The following NRG2 variants were observed in gnomAD, a reference collection of about 807,000 sequenced individuals.
NRG2 encodes the protein neuregulin 2.
In NRG2, 27 loss-of-function variants were observed where a neutral mutation model predicts 73.9. The ratio of observed to expected loss-of-function variants is 0.37; its 90% CI spans 0.27 to 0.50. The LOEUF (loss-of-function observed/expected upper bound fraction) is 0.50, where lower values mean the gene tolerates loss of function less well. Ranked by LOEUF, NRG2 falls within the 20% of genes least tolerant of loss-of-function variation. The pLI is 0.96. For synonymous variants in NRG2, 532 were observed against 541.0 expected (o/e 0.98, Z 0.23); for missense variants, 1,126 against 1,210.1 (o/e 0.93, Z 1.03).
chr5:140,014,416 T>C (rs1759612305), intron 1 of NRG2, among the ~76,000 whole-genome samples: 1 of 152,072 alleles, frequency 6.6e-6, no homozygotes, highest in Non-Finnish European at 1.5e-5. Flanking sequence ...TTTGTATGTT[T>C]TGTAGAGATG....
intron 1 of NRG2, among the ~76,000 whole-genome samples, chr5:140,038,178 A>T (rs1761650264): frequency 6.6e-6 from 1 of 152,194 alleles, no homozygotes; most frequent in South Asian, 2.1e-4. Flanking sequence ...AAAATGCCCT[A>T]GATAAAACAG....
chr5:139,885,745 G>A (rs1763822071), intron 2 of NRG2, among the ~76,000 whole-genome samples: 1 of 151,790 alleles, frequency 6.6e-6, no homozygotes, highest in African/African-American at 2.4e-5. Context: ...GCGGGAGGGA[G>A]GGTGAGTATG....
chr5:139,860,484 A>C (rs1762085587), intron 5 of NRG2, among the ~76,000 whole-genome samples: 1 of 151,050 alleles, frequency 6.6e-6, no homozygotes, highest in African/African-American at 2.4e-5. Context: ...CCGGGTGGGG[A>C]GCCTCAGAGT....
Position 139,851,545 on chromosome 5 carries a change from G to A in NRG2, c.1772+59C>T. 6.5e-7 allele frequency: 1 copy of A among 1,534,992 alleles called. No homozygotes were observed. Among genetic ancestry groups the A allele is most frequent in the Non-Finnish European group, 9.0e-7 (1 of 1,113,906 alleles). On this transcript the variant is annotated intron_variant, in intron 9 of 9. Coordinates refer to ENST00000361474, the MANE Select transcript of NRG2 (RefSeq NM_004883.3). The surrounding 1 kb of genome is among the most constrained non-coding windows in gnomAD (Gnocchi z 4.2). ...CTGAGGGGCCCTAAGGGTCAGCCTTGGGCCAGTGGTGCCAGCCCTCTGGCT... is the reference window on the plus strand; with the variant it reads ...CTGAGGGGCCCTAAGGGTCAGCCTTAGGCCAGTGGTGCCAGCCCTCTGGCT...
chr5:139,993,758 A>T (rs957236129), intron 1 of NRG2, among the ~76,000 whole-genome samples: 16 of 150,642 alleles, frequency 1.1e-4, no homozygotes, highest in African/African-American at 3.9e-4. Context: ...GAAATTATTT[A>T]TGGACAGGCA....
chr5:139,902,063 A>C (rs1764923247), intron 1 of NRG2, among the ~76,000 whole-genome samples: 1 of 152,222 alleles, frequency 6.6e-6, no homozygotes, highest in Admixed American at 6.5e-5. Flanking sequence ...GTCTGAGGTC[A>C]CACAGAGGTC....
In NRG2 at chr5:139,904,479, C is replaced by G. The variant is rs995481382; in HGVS notation, c.701-16968G>C. 62 of 779,208 alleles carry G rather than the reference C, an allele frequency of 8.0e-5. No individual in the cohort carries two copies. Among genetic ancestry groups the G allele is most frequent in the South Asian group, 1.8e-4 (10 of 56,808 alleles). 48.3% of individuals were successfully genotyped at this position (779,208 alleles called of 1,614,324 possible). ...CCCCGCCGCCTGCAGCCTCAGTGCC[C>G]GAGCGCGGCGCCTTTCTTATAGGCG... On this transcript the variant is annotated intron_variant, in intron 1 of 9. Transcript: ENST00000361474. The surrounding 1 kb of genome is among the most constrained non-coding windows in gnomAD (Gnocchi z 6.0).
chr5:139,956,224 C>T (rs2126483172), intron 1 of NRG2, among the ~76,000 whole-genome samples: 1 of 152,240 alleles, frequency 6.6e-6, no homozygotes, highest in South Asian at 2.1e-4. Flanking sequence ...TCCGTGGCAT[C>T]CAGTCACCTT....
intron 1 of NRG2, among the ~76,000 whole-genome samples, chr5:140,015,871 G>A (rs1759726446): frequency 6.6e-6 from 1 of 152,172 alleles, no homozygotes; most frequent in South Asian, 2.1e-4. Context: ...TGTTACGTCA[G>A]GTTTCCAGGC....
chr5:140,035,090 C>T (rs1281743893), intron 1 of NRG2, among the ~76,000 whole-genome samples: 1 of 152,140 alleles, frequency 6.6e-6, no homozygotes, highest in Non-Finnish European at 1.5e-5. Flanking sequence ...CCCTAATCTA[C>T]CTCTCCAGGC....
At chr5:139,947,332 T>C (rs563172394) in intron 1 of NRG2, among the ~76,000 whole-genome samples, 1 of 152,174 alleles carries the variant, frequency 6.6e-6, no homozygotes, top group Non-Finnish European at 1.5e-5. Context: ...AATTATACAA[T>C]GTTTGGTCAT....
intron 1 of NRG2, among the ~76,000 whole-genome samples, chr5:139,928,852 T>A (rs1243840641): frequency 6.6e-6 from 1 of 152,240 alleles, no homozygotes; most frequent in Non-Finnish European, 1.5e-5. Flanking sequence ...ACTGACAGTG[T>A]GGCATCACAT....
Position 139,865,230 on chromosome 5 carries a change from G to T in NRG2, c.1189+319C>A. Reference sequence around the variant, plus strand: ...GCCAGGATAGCAAGACACAGGCATTGCAACACCCCGGCACGGGCTCCTGCC... The same window carrying T: ...GCCAGGATAGCAAGACACAGGCATTTCAACACCCCGGCACGGGCTCCTGCC... On this transcript the variant is annotated intron_variant, in intron 5 of 9. Coordinates refer to ENST00000361474, the MANE Select transcript of NRG2 (RefSeq NM_004883.3). The surrounding 1 kb of genome is among the most constrained non-coding windows in gnomAD (Gnocchi z 5.2). 7.0e-7 allele frequency: 1 copy of T among 1,433,724 alleles called. No homozygotes were observed. Among genetic ancestry groups the T allele is most frequent in the Non-Finnish European group, 9.8e-7 (1 of 1,018,346 alleles). The allele number at this position is 1,433,724 out of a possible 1,614,324, so 88.8% of individuals were successfully genotyped here.
chr5:139,955,298 G>A (rs1754533373), intron 1 of NRG2, among the ~76,000 whole-genome samples: 1 of 152,138 alleles, frequency 6.6e-6, no homozygotes, highest in Non-Finnish European at 1.5e-5. Flanking sequence ...AAGCCAAATA[G>A]GAGTTAGCAG....
chr5:139,851,657 C>T lies in NRG2; in HGVS notation c.1719G>A (p.Ala573=), dbSNP rs377072433. 2.5e-5 allele frequency: 41 copies of T among 1,613,976 alleles called. No individual in the cohort carries two copies. The highest frequency in any genetic ancestry group is 3.3e-4 in the Middle Eastern group (2 of 6,084). ...YNLEERRRAT[A]PPYHDSVDSL... ...AGTCCACGGAATCGTGATAGGGTGG[C>T]GCGGTGGCCCTGCGCCGCTCCTCCA... is the stretch of plus-strand genomic sequence containing the variant. The change falls in exon 9 of 10, where the codon GCG becomes GCA. Residue 573 remains alanine (A), a synonymous_variant. Transcript: ENST00000361474. This position sits in a 1 kb window ranked among gnomAD's most constrained non-coding sequence, Gnocchi z 4.2.
chr5:139,885,739 G>A (rs1581862093), intron 2 of NRG2, among the ~76,000 whole-genome samples: 1 of 152,012 alleles, frequency 6.6e-6, no homozygotes, highest in Non-Finnish European at 1.5e-5. Context: ...GAATGTGCGG[G>A]AGGGAGGGTG....
intron 1 of NRG2, among the ~76,000 whole-genome samples, chr5:140,001,911 A>G (rs67676623): frequency 0.096 from 14,516 of 151,934 alleles, 1,122 homozygotes; most frequent in East Asian, 0.47. Flanking sequence ...GGCCAGGCAT[A>G]GTGGCTCATG....
At chr5:139,861,642 C>A in intron 5 of NRG2, 1 of 464,706 alleles carries the variant, frequency 2.2e-6, no homozygotes. Context: ...TTTGCATTCC[C>A]ACTCTGACTG....
intron 1 of NRG2, among the ~76,000 whole-genome samples, chr5:139,991,270 C>A (rs1408399272): frequency 2.6e-5 from 4 of 151,144 alleles, no homozygotes; most frequent in Non-Finnish European, 5.9e-5. Flanking sequence ...AACAAGACTC[C>A]ATCTCAAAAA....
Sources: gnomAD v4.1 joint callset for allele counts (sites outside exome capture counted in the v4.1 genomes callset) on GRCh38, gnomAD v4.1.1 for gene constraint, Gnocchi (gnomAD v3.1) non-coding constraint, MANE v1.5 for transcripts, NCBI Gene and HGNC (gene_info 2026-07-23, HGNC 2026-07-21) for gene names.